The following RASSF3 variants were observed in gnomAD, a reference collection of about 807,000 sequenced individuals.
The protein encoded by RASSF3 is Ras association domain family member 3.
RASSF3 carries 19 observed loss-of-function variants against 19.9 expected under a neutral mutation model. That is an observed-to-expected ratio of 0.96 (90% CI 0.67 to 1.40). The LOEUF (loss-of-function observed/expected upper bound fraction) is 1.40. Ranked by LOEUF, RASSF3 falls within the 40% of genes most tolerant of loss-of-function variation. RASSF3 has a pLI of 0.00. For synonymous variants in RASSF3, 110 were observed against 104.2 expected (o/e 1.06, Z -0.34); for missense variants, 306 against 289.8 (o/e 1.06, Z -0.41).
intron 1 of RASSF3, among the ~76,000 whole-genome samples, chr12:64,626,600 C>T (rs1871006419): frequency 1.3e-5 from 2 of 152,018 alleles, no homozygotes; most frequent in South Asian, 2.1e-4. Context: ...CTGTGTCACC[C>T]AGGCTGGAGT....
chr12:64,676,511 G>A (rs571520282), intron 1 of RASSF3, among the ~76,000 whole-genome samples: 5 of 123,102 alleles, frequency 4.1e-5, no homozygotes, highest in South Asian at 5.4e-4. Context: ...TTGCTCTGTC[G>A]CCCAGGCTTG....
At chr12:64,522,531 A>G (rs1337805852) in intron 1 of RASSF3, among the ~76,000 whole-genome samples, 1 of 152,132 alleles carries the variant, frequency 6.6e-6, no homozygotes, top group African/African-American at 2.4e-5. Flanking sequence ...CCACACATAA[A>G]CACTAGCACC....
At chr12:64,513,787 C>T (rs1592384448) in intron 1 of RASSF3, among the ~76,000 whole-genome samples, 1 of 152,296 alleles carries the variant, frequency 6.6e-6, no homozygotes, top group East Asian at 1.9e-4. Flanking sequence ...ATGGAGAGAC[C>T]TCACACCAGA....
At chr12:64,603,075 G>A (rs538355103) in intron 2 of RASSF3, among the ~76,000 whole-genome samples, 2 of 152,116 alleles carry the variant, frequency 1.3e-5, no homozygotes, top group African/African-American at 4.8e-5. Context: ...CTTCAGTCTG[G>A]GTGACAGAGC....
intron 1 of RASSF3, among the ~76,000 whole-genome samples, chr12:64,624,069 G>GTTGA (rs1870896001): frequency 6.6e-6 from 1 of 151,980 alleles, no homozygotes; most frequent in Non-Finnish European, 1.5e-5. Flanking sequence ...TGGCTGTCAT[G>GTTGA]TTGATGGTCT....
intron 1 of RASSF3, among the ~76,000 whole-genome samples, chr12:64,632,237 G>A (rs1871191679): frequency 6.6e-6 from 1 of 152,086 alleles, no homozygotes; most frequent in Non-Finnish European, 1.5e-5. Context: ...TGGTGGTATG[G>A]CTGCAGCAAA....
intron 1 of RASSF3, among the ~76,000 whole-genome samples, chr12:64,661,956 C>T (rs1383447010): frequency 8.1e-5 from 12 of 147,870 alleles, no homozygotes; most frequent in Non-Finnish European, 1.3e-4. Flanking sequence ...ACTGGAATTA[C>T]AGGCATGAGC....
intron 1 of RASSF3, among the ~76,000 whole-genome samples, chr12:64,638,707 C>T (rs2136180421): frequency 6.6e-6 from 1 of 152,170 alleles, no homozygotes; most frequent in South Asian, 2.1e-4. Context: ...CCTGTCGTTT[C>T]CCCCAGTTCA....
intron 2 of RASSF3, among the ~76,000 whole-genome samples, chr12:64,571,622 G>T (rs1592404395): frequency 6.6e-6 from 1 of 152,102 alleles, no homozygotes; most frequent in South Asian, 2.1e-4. Context: ...GGGGTGGGAG[G>T]AAGCCAAGCT....
At chr12:64,657,701 C>T (rs1236494005) in intron 1 of RASSF3, among the ~76,000 whole-genome samples, 6 of 152,202 alleles carry the variant, frequency 3.9e-5, no homozygotes, top group African/African-American at 1.4e-4. Flanking sequence ...AGTGCCTTGG[C>T]ACAGGAGCAG....
chr12:64,662,412 C>T (rs1429217258), intron 1 of RASSF3, among the ~76,000 whole-genome samples: 1 of 151,788 alleles, frequency 6.6e-6, no homozygotes, highest in Admixed American at 6.6e-5. Flanking sequence ...CAGATTGAGA[C>T]CCTGTCTCAA....
At chr12:64,593,490 G>A (rs1250563849) in intron 2 of RASSF3, among the ~76,000 whole-genome samples, 1 of 151,942 alleles carries the variant, frequency 6.6e-6, no homozygotes, top group Non-Finnish European at 1.5e-5. Context: ...CAAAGTGCTG[G>A]GATTACAGGC....
chr12:64,681,996 C>A (rs1409503344), intron 1 of RASSF3, among the ~76,000 whole-genome samples: 2 of 152,150 alleles, frequency 1.3e-5, no homozygotes. Flanking sequence ...TAAAGTGAGA[C>A]CCTGTCTCAG....
intron 2 of RASSF3, among the ~76,000 whole-genome samples, chr12:64,581,578 G>A (rs182539515): frequency 6.6e-6 from 1 of 152,182 alleles, no homozygotes; most frequent in Admixed American, 6.5e-5. Flanking sequence ...AATTAGCCAG[G>A]TATGGTGGTG....
At chr12:64,554,546 C>A (rs1412175838) in intron 2 of RASSF3, among the ~76,000 whole-genome samples, 1 of 152,128 alleles carries the variant, frequency 6.6e-6, no homozygotes, top group Admixed American at 6.5e-5. Context: ...CTCAGGTGAT[C>A]CACCCACCTT....
At chr12:64,627,082 A>T (rs1219841949) in intron 1 of RASSF3, among the ~76,000 whole-genome samples, 1 of 152,224 alleles carries the variant, frequency 6.6e-6, no homozygotes, top group Non-Finnish European at 1.5e-5. Context: ...TGTATGTGGA[A>T]TGTATTCCTA....
At chr12:64,683,567 T>C (rs1873216041) in intron 1 of RASSF3, among the ~76,000 whole-genome samples, 2 of 152,198 alleles carry the variant, frequency 1.3e-5, no homozygotes, top group Admixed American at 1.3e-4. Context: ...AATTATCCTC[T>C]GGTAGTTGTG....
chr12:64,607,931 G>GT (rs1490325099), upstream of RASSF3, among the ~76,000 whole-genome samples: 3 of 150,682 alleles, frequency 2.0e-5, no homozygotes, highest in Non-Finnish European at 4.4e-5. Flanking sequence ...ATTTTTTTTT[G>GT]TTTTTTGTTT....
At position 64,696,305 on chromosome 12, in the gene RASSF3, A is replaced by C. The variant is rs1444490920; in HGVS notation, c.*1393A>C. ...AAAGTCCACACCCAGCTAACCACACAACAGGGCTTCATTATGGAAATATTT... is the reference window on the plus strand; with the variant it reads ...AAAGTCCACACCCAGCTAACCACACCACAGGGCTTCATTATGGAAATATTT... On this transcript the variant is annotated 3_prime_UTR_variant, in exon 5 of 5. Coordinates refer to ENST00000542104, the MANE Select transcript of RASSF3 (RefSeq NM_178169.4). The C allele has an allele frequency of 6.6e-6, 1 of 152,060 alleles. No homozygotes were observed. The highest frequency in any genetic ancestry group is 1.5e-5 in the Non-Finnish European group (1 of 68,022). The allele number at this position is 152,060 out of a possible 1,614,324, so 9.4% of individuals were successfully genotyped here. A position where few individuals can be genotyped will look rare whatever the true frequency, so the allele number is the denominator to read the frequency against.
Sources: gnomAD v4.1 joint callset for allele counts (sites outside exome capture counted in the v4.1 genomes callset) on GRCh38, gnomAD v4.1.1 for gene constraint, MANE v1.5 for transcripts, NCBI Gene and HGNC (gene_info 2026-07-23, HGNC 2026-07-21) for gene names.